The following LRFN2 variants were observed in gnomAD, a reference collection of about 807,000 sequenced individuals.
LRFN2 encodes the protein leucine-rich repeat and fibronectin type-III domain-containing protein 2.
LRFN2 carries 18 observed loss-of-function variants against 37.3 expected under a neutral mutation model. The observed-to-expected ratio is 0.48, with a 90% CI of 0.33 to 0.72. The LOEUF (loss-of-function observed/expected upper bound fraction) is 0.72. LRFN2 is among the 30% of genes least tolerant of loss of function. LRFN2 has a pLI of 0.02. For missense variants in LRFN2, 1,006 were observed against 1,060.7 expected (o/e 0.95, Z 0.72); for synonymous variants, 556 against 466.6 (o/e 1.19, Z -2.47).
chr6:40,444,081 T>G (rs1157313000), intron 1 of LRFN2, among the ~76,000 whole-genome samples: 2 of 152,162 alleles, frequency 1.3e-5, no homozygotes, highest in African/African-American at 4.8e-5. Context: ...TAAGGAAACT[T>G]GCATGTAGTT....
At chr6:40,412,301 T>A (rs1762988884) in intron 2 of LRFN2, among the ~76,000 whole-genome samples, 1 of 152,156 alleles carries the variant, frequency 6.6e-6, no homozygotes, top group Admixed American at 6.5e-5. Flanking sequence ...GTCAAGGAAC[T>A]CATATTTTGA....
At chr6:40,408,805 T>A (rs549799673) in intron 2 of LRFN2, among the ~76,000 whole-genome samples, 73 of 152,342 alleles carry the variant, frequency 4.8e-4, no homozygotes, top group African/African-American at 1.7e-3. Context: ...AATGGTGAAG[T>A]CAACAGTAAC....
At chr6:40,449,154 A>T (rs1481587528) in intron 1 of LRFN2, among the ~76,000 whole-genome samples, 1 of 152,190 alleles carries the variant, frequency 6.6e-6, no homozygotes, top group Non-Finnish European at 1.5e-5. Flanking sequence ...TTGCTAAGAG[A>T]GCGCACTTCA....
At chr6:40,407,536 G>A (rs536051382) in intron 2 of LRFN2, among the ~76,000 whole-genome samples, 13 of 152,360 alleles carry the variant, frequency 8.5e-5, no homozygotes, top group South Asian at 8.3e-4. Flanking sequence ...CCACAATGGC[G>A]ATGACTACAA....
In LRFN2 at chr6:40,392,516, C is replaced by T. The variant is rs1259758816; in HGVS notation, c.1797G>A (p.Pro599=). The stretch of plus-strand genomic sequence containing the variant: ...GCTCGTTGCGCACCACCACCTTCGG[C>T]GGGCCCTGCGGCGGGGCCCCGGCTG... ...SAPAGAPPQG[P]PKVVVRNELL... The change falls in exon 3 of 3, where the codon CCG becomes CCA. Residue 599 remains proline, a synonymous_variant. Transcript: ENST00000338305. The surrounding 1 kb of genome is among the most constrained non-coding windows in gnomAD (Gnocchi z 4.7). 6 of 1,586,950 alleles carry T rather than the reference C, an allele frequency of 3.8e-6. No individual in the cohort carries two copies. The highest frequency in any genetic ancestry group is 1.8e-5 in the Admixed American group (1 of 56,990).
intron 1 of LRFN2, among the ~76,000 whole-genome samples, chr6:40,553,463 G>A (rs6913022): frequency 0.47 from 72,101 of 151,932 alleles, 18,142 homozygotes; most frequent in African/African-American, 0.65. Flanking sequence ...GACATCTTGG[G>A]GAGCTGAGCA....
intron 1 of LRFN2, among the ~76,000 whole-genome samples, chr6:40,453,887 C>T (rs1239527026): frequency 6.6e-6 from 1 of 152,260 alleles, no homozygotes; most frequent in East Asian, 1.9e-4. Context: ...AGGCCCTGTC[C>T]ATTGTCTCAT....
chr6:40,433,549 A>G (rs9357327), intron 1 of LRFN2, among the ~76,000 whole-genome samples: 3,752 of 152,258 alleles, frequency 0.025, 76 homozygotes, highest in East Asian at 0.079. Context: ...TGGATGGATG[A>G]ATGCGATACC....
chr6:40,469,753 G>T (rs1287391930), intron 1 of LRFN2, among the ~76,000 whole-genome samples: 2 of 152,088 alleles, frequency 1.3e-5, no homozygotes, highest in African/African-American at 4.8e-5. Flanking sequence ...AGTTCTCACT[G>T]ACTGGCCTCT....
intron 1 of LRFN2, among the ~76,000 whole-genome samples, chr6:40,497,527 C>T (rs1765261875): frequency 6.6e-6 from 1 of 152,174 alleles, no homozygotes; most frequent in South Asian, 2.1e-4. Flanking sequence ...TTCTCAGGCA[C>T]CCGTTACCAT....
intron 1 of LRFN2, among the ~76,000 whole-genome samples, chr6:40,552,107 C>G (rs992062813): frequency 2.6e-5 from 4 of 152,212 alleles, no homozygotes; most frequent in Non-Finnish European, 5.9e-5. Context: ...CCGTGGTTCT[C>G]AAAGTGTGGT....
intron 1 of LRFN2, among the ~76,000 whole-genome samples, chr6:40,567,745 C>T (rs1001924262): frequency 2.6e-5 from 4 of 152,210 alleles, no homozygotes; most frequent in East Asian, 3.9e-4. Context: ...CTAGGCACTC[C>T]GTTACCCATT....
intron 1 of LRFN2, among the ~76,000 whole-genome samples, chr6:40,584,822 T>C (rs905459208): frequency 6.6e-6 from 1 of 151,932 alleles, no homozygotes; most frequent in Non-Finnish European, 1.5e-5. Flanking sequence ...CCTGTTTTTT[T>C]TTTTTCCTTT....
At chr6:40,519,414 G>T (rs984240320) in intron 1 of LRFN2, among the ~76,000 whole-genome samples, 2 of 152,184 alleles carry the variant, frequency 1.3e-5, no homozygotes, top group African/African-American at 4.8e-5. Context: ...CTCCCGTGAG[G>T]GGCAGAGAAT....
intron 1 of LRFN2, among the ~76,000 whole-genome samples, chr6:40,564,414 C>T (rs182005425): frequency 1.7e-4 from 26 of 152,258 alleles, no homozygotes; most frequent in Admixed American, 9.8e-4. Flanking sequence ...AGTTTACAAT[C>T]GAACCATCTA....
intron 2 of LRFN2, among the ~76,000 whole-genome samples, chr6:40,423,715 AAGG>A (rs566445834): frequency 1.8e-3 from 271 of 152,352 alleles, no homozygotes; most frequent in Non-Finnish European, 2.9e-3. Flanking sequence ...AGTGAAATGC[AAGG>A]AGAAGTTATT....
At chr6:40,426,235 C>A (rs1288317448) in intron 2 of LRFN2, among the ~76,000 whole-genome samples, 1 of 152,226 alleles carries the variant, frequency 6.6e-6, no homozygotes, top group Non-Finnish European at 1.5e-5. Flanking sequence ...ACGATGAGAG[C>A]TGGGATAATT....
chr6:40,474,396 T>C (rs1268029186), intron 1 of LRFN2, among the ~76,000 whole-genome samples: 1 of 152,216 alleles, frequency 6.6e-6, no homozygotes, highest in Non-Finnish European at 1.5e-5. Context: ...TACATGGCTG[T>C]CTTTTCTGTG....
At chr6:40,482,538 C>A (rs890701451) in intron 1 of LRFN2, among the ~76,000 whole-genome samples, 15 of 152,218 alleles carry the variant, frequency 9.9e-5, no homozygotes, top group African/African-American at 3.6e-4. Context: ...GCAAGGGGTA[C>A]AAAGACAGCA....
Sources: allele counts gnomAD v4.1 joint callset (sites outside exome capture counted in the v4.1 genomes callset), GRCh38; gene constraint gnomAD v4.1.1; non-coding constraint Gnocchi (gnomAD v3.1); transcripts MANE v1.5; gene names NCBI Gene and HGNC (gene_info 2026-07-23, HGNC 2026-07-21).